Variants in FSTL5 observed in about 807,000 individuals in gnomAD.
The protein encoded by FSTL5 is follistatin-related protein 5.
FSTL5 carries 62 observed loss-of-function variants against 89.1 expected under a neutral mutation model. The observed-to-expected ratio is 0.70, with a 90% CI of 0.57 to 0.86. The LOEUF (loss-of-function observed/expected upper bound fraction) is 0.86, where lower values mean the gene tolerates loss of function less well. FSTL5 is among the 40% of genes least tolerant of loss of function. FSTL5 has a pLI of 0.00. For missense variants in FSTL5, 1,057 were observed against 1,001.6 expected (o/e 1.06, Z -0.75); for synonymous variants, 383 against 346.2 (o/e 1.11, Z -1.18).
intron 2 of FSTL5, among the ~76,000 whole-genome samples, chr4:162,107,158 C>T (rs1171327660): frequency 6.6e-6 from 1 of 152,140 alleles, no homozygotes; most frequent in Non-Finnish European, 1.5e-5. Context: ...CAAATTACTA[C>T]AAAAGTACTC....
At position 161,856,629 on chromosome 4, in the gene FSTL5, G is replaced by A. The variant is rs185564797; in HGVS notation, c.409+63775C>T. On this transcript the variant is annotated intron_variant, in intron 4 of 15. Transcript: ENST00000306100. ...AGAAAATGTATTTCTATTTACATCC[G>A]TAACTCATTTATTTGCATACTTGTG... 1.0e-3 allele frequency among the ~76,000 whole-genome samples: 151 copies of A among 147,344 alleles called. 2 individuals carry two copies. In the South Asian group the frequency reaches 0.011, roughly 11 times the overall value.
intron 4 of FSTL5, among the ~76,000 whole-genome samples, chr4:161,801,797 C>T (rs1288231467): frequency 2.0e-5 from 3 of 151,456 alleles, no homozygotes; most frequent in African/African-American, 7.3e-5. Context: ...GTTTCTGGAA[C>T]ACCTGATGAG....
intron 8 of FSTL5, among the ~76,000 whole-genome samples, chr4:161,567,561 T>C (rs890307754): frequency 6.6e-6 from 1 of 152,148 alleles, no homozygotes; most frequent in African/African-American, 2.4e-5. Context: ...GATATATCAC[T>C]CCTAGTCCAG....
At chr4:161,923,549 A>AT (rs1227003127) in intron 3 of FSTL5, among the ~76,000 whole-genome samples, 1 of 151,668 alleles carries the variant, frequency 6.6e-6, no homozygotes, top group African/African-American at 2.4e-5. Flanking sequence ...TTTATGTCAT[A>AT]TTTTTTCCAT....
chr4:161,599,032 C>T (rs928901832), intron 7 of FSTL5, among the ~76,000 whole-genome samples: 1 of 151,810 alleles, frequency 6.6e-6, no homozygotes, highest in Non-Finnish European at 1.5e-5. Flanking sequence ...TGTAAAAATA[C>T]ATTATCAAAA....
chr4:161,533,985 T>C (rs1731509666), intron 10 of FSTL5, among the ~76,000 whole-genome samples: 1 of 152,000 alleles, frequency 6.6e-6, no homozygotes, highest in South Asian at 2.1e-4. Context: ...AAAGACCATA[T>C]GATCTCCCAA....
At chr4:161,906,428 G>A (rs1366835153) in intron 4 of FSTL5, among the ~76,000 whole-genome samples, 1 of 152,018 alleles carries the variant, frequency 6.6e-6, no homozygotes. Context: ...AATGAGGTTG[G>A]AAAATGGCTG....
chr4:161,541,238 C>T (rs1578911028), intron 9 of FSTL5, among the ~76,000 whole-genome samples: 2 of 151,972 alleles, frequency 1.3e-5, no homozygotes, highest in South Asian at 2.1e-4. Context: ...ACTGTTTTTC[C>T]CTGTTGTAAA....
At chr4:161,406,513 A>T (rs1731382393) in intron 15 of FSTL5, among the ~76,000 whole-genome samples, 1 of 152,082 alleles carries the variant, frequency 6.6e-6, no homozygotes, top group South Asian at 2.1e-4. Context: ...AATTTTCTAA[A>T]TTTGTCTGTT....
rs148199709 is a variant in FSTL5, at chr4:161,913,474, G to A, written c.409+6930C>T. Among the ~76,000 whole-genome samples the A allele has an allele frequency of 6.1e-4, 93 of 152,290 alleles. No homozygotes were observed. In the East Asian group the frequency reaches 0.016, roughly 27 times the overall value. On this transcript the variant is annotated intron_variant, in intron 4 of 15. Coordinates refer to ENST00000306100, the MANE Select transcript of FSTL5 (RefSeq NM_020116.5). ...AGCCCCAAGCCCTGGCAGCTTCCAT[G>A]TGGCATTGAGCCTGCGTGTGCACAG...
At chr4:161,574,793 T>C (rs1578937742) in intron 8 of FSTL5, among the ~76,000 whole-genome samples, 1 of 152,316 alleles carries the variant, frequency 6.6e-6, no homozygotes, top group East Asian at 1.9e-4. Flanking sequence ...TTGTAAATAG[T>C]GCTCCAATAA....
intron 4 of FSTL5, among the ~76,000 whole-genome samples, chr4:161,869,307 A>C (rs749177839): frequency 2.0e-5 from 3 of 152,272 alleles, no homozygotes; most frequent in Non-Finnish European, 4.4e-5. Flanking sequence ...AGTGGGTGAT[A>C]ATAACTATTA....
At chr4:161,969,506 G>A (rs1324129419) in intron 3 of FSTL5, among the ~76,000 whole-genome samples, 1 of 152,010 alleles carries the variant, frequency 6.6e-6, no homozygotes. Flanking sequence ...TTAGGTATTT[G>A]GTTTTGGAAA....
At chr4:161,985,905 TG>T (rs1447875718) in intron 3 of FSTL5, among the ~76,000 whole-genome samples, 2 of 152,176 alleles carry the variant, frequency 1.3e-5, no homozygotes, top group Non-Finnish European at 2.9e-5. Context: ...CCTTGAAATG[TG>T]GAGTCCTCTA....
chr4:161,882,643 G>T (rs1410125899), intron 4 of FSTL5, among the ~76,000 whole-genome samples: 2 of 152,006 alleles, frequency 1.3e-5, no homozygotes, highest in East Asian at 3.9e-4. Flanking sequence ...GGATGACTAA[G>T]GATAATACAT....
At chr4:161,691,886 T>G (rs1051928835) in intron 6 of FSTL5, among the ~76,000 whole-genome samples, 36 of 151,992 alleles carry the variant, frequency 2.4e-4, no homozygotes, top group Admixed American at 2.1e-3. Flanking sequence ...CTATGCTGAT[T>G]TTTTTTATTA....
intron 7 of FSTL5, among the ~76,000 whole-genome samples, chr4:161,647,750 T>C (rs1328472590): frequency 1.3e-5 from 2 of 151,790 alleles, no homozygotes; most frequent in Non-Finnish European, 2.9e-5. Context: ...TAGAAGAGGG[T>C]ATGGTCCGTG....
intron 2 of FSTL5, among the ~76,000 whole-genome samples, chr4:162,081,381 T>A (rs1047651919): frequency 2.6e-5 from 4 of 151,572 alleles, no homozygotes; most frequent in African/African-American, 9.7e-5. Context: ...TCAGAATGAT[T>A]TAATTCTCAT....
intron 8 of FSTL5, among the ~76,000 whole-genome samples, chr4:161,582,571 G>A (rs1191114063): frequency 6.6e-6 from 1 of 152,150 alleles, no homozygotes; most frequent in Non-Finnish European, 1.5e-5. Context: ...AACCAAAGGA[G>A]AGGAACACAC....
Sources: gnomAD v4.1 joint callset for allele counts (sites outside exome capture counted in the v4.1 genomes callset) on GRCh38, gnomAD v4.1.1 for gene constraint, MANE v1.5 for transcripts, NCBI Gene and HGNC (gene_info 2026-07-23, HGNC 2026-07-21) for gene names.